Variants in AGL observed in about 807,000 individuals in gnomAD.
AGL encodes the protein amylo-alpha-1,6-glucosidase and 4-alpha-glucanotransferase.
In AGL, 128 loss-of-function variants were observed where a neutral mutation model predicts 199.3. That is an observed-to-expected ratio of 0.64 (90% CI 0.56 to 0.74). AGL has a LOEUF of 0.74. Ranked by LOEUF, AGL falls within the 30% of genes least tolerant of loss-of-function variation. The pLI, the probability that AGL is intolerant of heterozygous loss-of-function variation, is 0.00. For missense variants in AGL, 1,809 were observed against 1,820.8 expected, an observed-to-expected ratio of 0.99 and a Z score of 0.12; for synonymous variants, 584 against 594.7, an observed-to-expected ratio of 0.98 and a Z score of 0.26.
At chr1:99,874,600 A>G in intron 7 of AGL, 87 bp from the exon 8 acceptor site, 1 of 1,313,346 alleles carries the variant, frequency 7.6e-7, no homozygotes, top group Non-Finnish European at 1.1e-6. Context: ...CAGTGAAAAA[A>G]TTATAGGCCA....
chr1:99,879,329 G>T (rs1651818829), intron 12 of AGL, among the ~76,000 whole-genome samples: 1 of 151,920 alleles, frequency 6.6e-6, no homozygotes, highest in Non-Finnish European at 1.5e-5. Flanking sequence ...GCTCACGCCT[G>T]TAATCCCAAC....
chr1:99,881,344 T>G lies in AGL; in HGVS notation c.2054T>G (p.Leu685Trp). ...RFYTKWNPEA[L>W]PSNTGEVNFQ... is the part of the protein sequence containing the mutation. ...TACACTAAGTGGAATCCTGAAGCAT[T>G]GCCTTCAAACACAGGTGAAGTTAAT... Residue 685 changes from leucine (L) to tryptophan (W), a missense_variant, in exon 16 of 34, where the codon TTG (leucine) becomes TGG (tryptophan). Physicochemically the swap from Leu to Trp is moderately conservative, Grantham distance 61. Coordinates refer to ENST00000361915, the MANE Select transcript of AGL (RefSeq NM_000642.3). 1.2e-6 allele frequency: 2 copies of G among 1,614,140 alleles called. No individual in the cohort carries two copies. The highest frequency in any genetic ancestry group is 1.7e-6 in the Non-Finnish European group (2 of 1,180,006).
At chr1:99,875,758 G>A (rs1219920715) in intron 10 of AGL, among the ~76,000 whole-genome samples, 1 of 152,152 alleles carries the variant, frequency 6.6e-6, no homozygotes, top group East Asian at 1.9e-4. Flanking sequence ...TCCTTACTTT[G>A]TAAGTGACAT....
chr1:99,914,997 TTGAGCCCAGGAGATTGAGGCTGCAC>T (rs1655009341), intron 30 of AGL, among the ~76,000 whole-genome samples: 1 of 152,166 alleles, frequency 6.6e-6, no homozygotes, highest in Non-Finnish European at 1.5e-5. Flanking sequence ...GGATGATCGC[TTGAGCCCAGGAGATTGAGGCTGCAC>T]TGAGCTCTGA....
At chr1:99,853,032 T>A (rs1649111050) in intron 2 of AGL, among the ~76,000 whole-genome samples, 1 of 152,234 alleles carries the variant, frequency 6.6e-6, no homozygotes, top group South Asian at 2.1e-4. Flanking sequence ...TATTCTTTGA[T>A]GATTTCTTCT....
intron 27 of AGL, among the ~76,000 whole-genome samples, chr1:99,903,568 C>T (rs997689232): frequency 6.6e-6 from 1 of 152,168 alleles, no homozygotes; most frequent in Non-Finnish European, 1.5e-5. Context: ...CAAGTCTTTG[C>T]TATTGTGAAT....
chr1:99,919,609 C>T (rs1034155174), intron 33 of AGL, among the ~76,000 whole-genome samples: 2 of 152,172 alleles, frequency 1.3e-5, no homozygotes, highest in Non-Finnish European at 2.9e-5. Context: ...ACACACTTAT[C>T]TTCATCTCAA....
chr1:99,876,402 T>A, intron 10 of AGL, 56 bp from the exon 11 acceptor site: 1 of 1,298,904 alleles, frequency 7.7e-7, no homozygotes, highest in Non-Finnish European at 1.1e-6. Context: ...TGCAAATTTA[T>A]ATTCTCTCCA....
chr1:99,857,254 G>T (rs1649577520), intron 2 of AGL, among the ~76,000 whole-genome samples: 1 of 152,036 alleles, frequency 6.6e-6, no homozygotes, highest in African/African-American at 2.4e-5. Flanking sequence ...TCAGACGATG[G>T]GCGGCCGGGC....
intron 2 of AGL, among the ~76,000 whole-genome samples, chr1:99,854,145 G>A (rs894531154): frequency 2.0e-5 from 3 of 151,990 alleles, no homozygotes; most frequent in African/African-American, 7.3e-5. Context: ...AGTGAGCTGA[G>A]ATCACACCAT....
chr1:99,866,903 C>T (rs573521322), intron 5 of AGL, among the ~76,000 whole-genome samples: 3 of 152,088 alleles, frequency 2.0e-5, no homozygotes, highest in South Asian at 4.1e-4. Flanking sequence ...ACCGCAACCT[C>T]CACCTTCCAG....
At chr1:99,893,587 T>A (rs948390275) in intron 24 of AGL, among the ~76,000 whole-genome samples, 1 of 152,242 alleles carries the variant, frequency 6.6e-6, no homozygotes, top group Admixed American at 6.5e-5. Context: ...AATAGTAATT[T>A]CAACCTTTTT....
intron 9 of AGL, 29 bp downstream of exon 9, chr1:99,875,285 T>A (rs1651423684): frequency 6.2e-7 from 1 of 1,612,098 alleles, no homozygotes; most frequent in Admixed American, 1.7e-5. Flanking sequence ...CTGCTGCTTT[T>A]CCTTGCATCT....
intron 27 of AGL, 115 bp downstream of exon 27, chr1:99,902,909 G>A (rs962125279): frequency 1.2e-6 from 1 of 804,862 alleles, no homozygotes; most frequent in African/African-American, 1.7e-5. Flanking sequence ...TGATTAAAAA[G>A]ATTAACATAG....
At chr1:99,876,817 C>T (rs143959502) in intron 11 of AGL, among the ~76,000 whole-genome samples, 1 of 152,312 alleles carries the variant, frequency 6.6e-6, no homozygotes, top group East Asian at 1.9e-4. Flanking sequence ...TACCTTTTAT[C>T]TTCTCAAACA....
intron 21 of AGL, 70 bp downstream of exon 21, chr1:99,888,178 CATAGAT>C: frequency 6.3e-7 from 1 of 1,587,106 alleles, no homozygotes; most frequent in Non-Finnish European, 8.6e-7. Flanking sequence ...TCTTTACAGA[CATAGAT>C]ATAGGCTCAG....
chr1:99,853,531 G>A (rs1649147451), intron 2 of AGL, among the ~76,000 whole-genome samples: 1 of 152,176 alleles, frequency 6.6e-6, no homozygotes, highest in Non-Finnish European at 1.5e-5. Flanking sequence ...ACTATTAAGT[G>A]CTGAATAATG....
chr1:99,870,928 G>A (rs1650943478), intron 7 of AGL, 59 bp downstream of exon 7: 1 of 1,065,330 alleles, frequency 9.4e-7, no homozygotes, highest in African/African-American at 1.6e-5. Context: ...ATTATAAAGG[G>A]AAAACTCTCT....
At chr1:99,873,745 A>G (rs936519319) in intron 7 of AGL, among the ~76,000 whole-genome samples, 1 of 152,162 alleles carries the variant, frequency 6.6e-6, no homozygotes, top group African/African-American at 2.4e-5. Flanking sequence ...CAGTTTTCAT[A>G]TATTTACTCT....
Sources: gnomAD v4.1 joint callset for allele counts (sites outside exome capture counted in the v4.1 genomes callset) on GRCh38, gnomAD v4.1.1 for gene constraint, MANE v1.5 for transcripts, NCBI Gene and HGNC (gene_info 2026-07-23, HGNC 2026-07-21) for gene names.